Variants in SRBD1 observed in about 807,000 individuals in gnomAD.
SRBD1 encodes S1 RNA-binding domain-containing protein 1.
A neutral mutation model predicts 115.3 loss-of-function variants in SRBD1; 88 were observed. The observed-to-expected ratio is 0.76, with a 90% CI of 0.64 to 0.91. The LOEUF (loss-of-function observed/expected upper bound fraction) is 0.91. SRBD1 is among the 40% of genes least tolerant of loss of function. The pLI is 0.00. For synonymous variants in SRBD1, 509 were observed against 407.7 expected, an observed-to-expected ratio of 1.25 and a Z score of -2.99; for missense variants, 1,385 against 1,177.4, an observed-to-expected ratio of 1.18 and a Z score of -2.58.
intron 7 of SRBD1, among the ~76,000 whole-genome samples, chr2:45,578,878 T>C (rs779482233): frequency 9.2e-5 from 14 of 152,250 alleles, no homozygotes; most frequent in Non-Finnish European, 1.5e-4. Flanking sequence ...CTATGTGAGA[T>C]GATGAATATG....
intron 14 of SRBD1, among the ~76,000 whole-genome samples, chr2:45,511,481 A>T (rs1558444737): frequency 6.6e-6 from 1 of 152,170 alleles, no homozygotes; most frequent in Non-Finnish European, 1.5e-5. Flanking sequence ...AAGTTCTAAA[A>T]CTTTATGTCA....
At chr2:45,544,003 T>C (rs1476958741) in intron 14 of SRBD1, among the ~76,000 whole-genome samples, 1 of 152,072 alleles carries the variant, frequency 6.6e-6, no homozygotes, top group East Asian at 1.9e-4. Flanking sequence ...ATAGAGACTA[T>C]ATTCATAAAA....
At chr2:45,396,593 T>C (rs1047157088) in intron 19 of SRBD1, among the ~76,000 whole-genome samples, 1 of 152,232 alleles carries the variant, frequency 6.6e-6, no homozygotes, top group African/African-American at 2.4e-5. Context: ...AATACAGACC[T>C]TGCAGCAGAG....
intron 3 of SRBD1, among the ~76,000 whole-genome samples, chr2:45,601,093 G>C (rs1230477532): frequency 6.6e-6 from 1 of 152,140 alleles, no homozygotes; most frequent in Non-Finnish European, 1.5e-5. Flanking sequence ...CATATCTAAA[G>C]AAAGTGTCAA....
chr2:45,549,695 A>T (rs6727833), intron 12 of SRBD1, among the ~76,000 whole-genome samples: 2 of 127,354 alleles, frequency 1.6e-5, no homozygotes, highest in Non-Finnish European at 3.3e-5. Context: ...TACTAAAAAT[A>T]CAAAAAAAAA....
chr2:45,566,676 T>C (rs1302558157), intron 9 of SRBD1, among the ~76,000 whole-genome samples: 1 of 152,224 alleles, frequency 6.6e-6, no homozygotes, highest in Non-Finnish European at 1.5e-5. Flanking sequence ...TGAATTTTAC[T>C]TCAATAAACC....
intron 19 of SRBD1, among the ~76,000 whole-genome samples, chr2:45,410,938 G>A (rs1377539915): frequency 6.6e-6 from 1 of 151,962 alleles, no homozygotes; most frequent in Non-Finnish European, 1.5e-5. Context: ...TCATCTGGCT[G>A]TTCATCTGTA....
At chr2:45,422,553 A>G (rs547887770) in intron 16 of SRBD1, among the ~76,000 whole-genome samples, 2 of 152,262 alleles carry the variant, frequency 1.3e-5, no homozygotes, top group African/African-American at 4.8e-5. Flanking sequence ...AATGAACAAT[A>G]GAATGAACAA....
chr2:45,396,546 C>T (rs977183033), intron 19 of SRBD1, among the ~76,000 whole-genome samples: 2 of 152,158 alleles, frequency 1.3e-5, no homozygotes, highest in Non-Finnish European at 2.9e-5. Context: ...CAAATAAGCA[C>T]ATCATGTTCT....
chr2:45,567,778 T>C (rs909949241), intron 9 of SRBD1, among the ~76,000 whole-genome samples: 6 of 152,194 alleles, frequency 3.9e-5, no homozygotes, highest in African/African-American at 1.2e-4. Flanking sequence ...AAGTTCTTCA[T>C]ACAAGAAATT....
intron 14 of SRBD1, among the ~76,000 whole-genome samples, chr2:45,527,274 C>A (rs1482692832): frequency 6.6e-6 from 1 of 151,810 alleles, no homozygotes; most frequent in Non-Finnish European, 1.5e-5. Flanking sequence ...AAGGGATGAA[C>A]AATGATGATT....
At chr2:45,488,458 C>A in intron 14 of SRBD1, 127 bp from the exon 15 acceptor site, 1 of 630,896 alleles carries the variant, frequency 1.6e-6, no homozygotes, top group African/African-American at 1.8e-5. Flanking sequence ...CTTCATATCT[C>A]AATGATACTG....
In SRBD1 at chr2:45,508,787, T is replaced by C. The variant is rs74926448; in HGVS notation, c.1875-20456A>G. The stretch of plus-strand genomic sequence containing the variant: ...CTTCTTTATGAGCAATTTTACCCAG[T>C]GAATTGCTAAAGATAATAAATGATT... On this transcript the variant is annotated intron_variant, in intron 14 of 20. Transcript: ENST00000263736. Among the ~76,000 whole-genome samples, 5 of 152,172 alleles carry C rather than the reference T, an allele frequency of 3.3e-5. No homozygotes were observed. In the East Asian group the frequency reaches 9.6e-4, roughly 29 times the overall value.
intron 14 of SRBD1, among the ~76,000 whole-genome samples, chr2:45,528,000 T>G (rs1350078865): frequency 6.6e-6 from 1 of 151,858 alleles, no homozygotes; most frequent in East Asian, 1.9e-4. Context: ...CAGGAGAGAT[T>G]TAGCTGAGGC....
chr2:45,594,483 G>T (rs1673831083), intron 4 of SRBD1, among the ~76,000 whole-genome samples: 1 of 152,070 alleles, frequency 6.6e-6, no homozygotes, highest in Non-Finnish European at 1.5e-5. Flanking sequence ...TATAGTTCAT[G>T]GTATCCAAAA....
At chr2:45,429,864 G>A (rs1668278336) in intron 16 of SRBD1, among the ~76,000 whole-genome samples, 2 of 152,212 alleles carry the variant, frequency 1.3e-5, no homozygotes, top group African/African-American at 4.8e-5. Flanking sequence ...TCTGTTTGCA[G>A]ATGACATGAC....
At chr2:45,522,214 C>G (rs768130993) in intron 14 of SRBD1, among the ~76,000 whole-genome samples, 13 of 151,816 alleles carry the variant, frequency 8.6e-5, no homozygotes, top group Non-Finnish European at 1.9e-4. Context: ...CAGAGGGTCT[C>G]ATTCTGTTGC....
At chr2:45,570,856 G>C (rs1672984310) in intron 9 of SRBD1, among the ~76,000 whole-genome samples, 2 of 152,068 alleles carry the variant, frequency 1.3e-5, no homozygotes, top group South Asian at 4.1e-4. Flanking sequence ...TATTTCACAT[G>C]CCTTGGAACT....
intron 16 of SRBD1, chr2:45,448,143 A>T (rs899114575): frequency 4.6e-5 from 7 of 152,198 alleles, no homozygotes; most frequent in African/African-American, 1.7e-4. Flanking sequence ...CATTCTGCAT[A>T]TAACTTAGTT....
Sources: gnomAD v4.1 joint callset for allele counts (sites outside exome capture counted in the v4.1 genomes callset) on GRCh38, gnomAD v4.1.1 for gene constraint, MANE v1.5 for transcripts, NCBI Gene and HGNC (gene_info 2026-07-23, HGNC 2026-07-21) for gene names.